The following TRAPPC8 variants were observed in gnomAD, a reference collection of about 807,000 sequenced individuals.
The protein encoded by TRAPPC8 is trafficking protein particle complex subunit 8.
A neutral mutation model predicts 174.3 loss-of-function variants in TRAPPC8; 54 were observed. The ratio of observed to expected loss-of-function variants is 0.31; its 90% confidence interval spans 0.25 to 0.39. The LOEUF (loss-of-function observed/expected upper bound fraction) is 0.39. Among genes scored for constraint, TRAPPC8 ranks in the 10% least tolerant of loss-of-function variants. TRAPPC8 has a pLI of 1.00. For missense variants in TRAPPC8, 1,531 were observed against 1,699.1 expected (o/e 0.90, Z 1.74); for synonymous variants, 630 against 579.9 (o/e 1.09, Z -1.24).
chr18:31,870,357 C>G lies in TRAPPC8; in HGVS notation c.2388+15G>C, dbSNP rs779886443. The stretch of plus-strand genomic sequence containing the variant: ...GTAGCTGAAACATAATTACAAATAC[C>G]TTTTAATAACTTACTAGTTGTTTAA... On this transcript the variant is annotated intron_variant, in intron 16 of 28. Coordinates refer to ENST00000283351, the MANE Select transcript of TRAPPC8 (RefSeq NM_014939.5). 1.3e-6 allele frequency: 2 copies of G among 1,596,268 alleles called. No homozygotes were observed. Among genetic ancestry groups the G allele is most frequent in the Non-Finnish European group, 1.7e-6 (2 of 1,171,608 alleles).
At position 31,908,436 on chromosome 18, in the gene TRAPPC8, A is replaced by C; in HGVS notation, c.1123-18T>G. On this transcript the variant is annotated intron_variant, in intron 7 of 28. Transcript: ENST00000283351. ...GATATTAGCTTTAAAAAAGAGATTA[A>C]ATATGTTGACAAACAAAGAATTTAG... is the stretch of plus-strand genomic sequence containing the variant. 3 of 1,463,072 alleles carry C rather than the reference A, an allele frequency of 2.1e-6. No homozygotes were observed. The highest frequency in any genetic ancestry group is 2.8e-6 in the Non-Finnish European group (3 of 1,081,902). 90.6% of individuals were successfully genotyped at this position (1,463,072 alleles called of 1,614,324 possible).
chr18:31,850,188 G>A (rs1423803082), intron 24 of TRAPPC8, among the ~76,000 whole-genome samples: 1 of 152,040 alleles, frequency 6.6e-6, no homozygotes, highest in Non-Finnish European at 1.5e-5. Flanking sequence ...CTGAGCTCAA[G>A]CATTTGCCTG....
chr18:31,839,534 T>C, intron 26 of TRAPPC8, 77 bp from the exon 27 acceptor site: 1 of 1,341,090 alleles, frequency 7.5e-7, no homozygotes, highest in Non-Finnish European at 9.9e-7. Flanking sequence ...AGTGTATATA[T>C]ACAAAAGTTA....
intron 2 of TRAPPC8, among the ~76,000 whole-genome samples, chr18:31,924,212 G>C (rs1448368653): frequency 6.6e-6 from 1 of 152,026 alleles, no homozygotes; most frequent in Non-Finnish European, 1.5e-5. Context: ...TTGAACTTGG[G>C]AGGCAGAGGT....
chr18:31,924,103 G>C (rs2037506416), intron 2 of TRAPPC8, among the ~76,000 whole-genome samples: 2 of 150,462 alleles, frequency 1.3e-5, no homozygotes, highest in Non-Finnish European at 1.5e-5. Context: ...GGCCAACGTG[G>C]TGAAACCTCA....
intron 10 of TRAPPC8, among the ~76,000 whole-genome samples, chr18:31,900,276 T>A (rs978960704): frequency 1.3e-5 from 2 of 151,962 alleles, no homozygotes; most frequent in African/African-American, 4.8e-5. Context: ...ACAGTAAAGG[T>A]TCCTCACACA....
chr18:31,859,309 T>C (rs1183921338), intron 19 of TRAPPC8, among the ~76,000 whole-genome samples: 7 of 152,012 alleles, frequency 4.6e-5, no homozygotes, highest in African/African-American at 1.7e-4. Context: ...AAAAATCAGA[T>C]GAAATTTGGG....
chr18:31,942,621 G>A lies in TRAPPC8; in HGVS notation c.144C>T (p.Arg48=), dbSNP rs201118671. 1.2e-4 allele frequency: 188 copies of A among 1,605,834 alleles called. No homozygotes were observed. Among genetic ancestry groups the A allele is most frequent in the Non-Finnish European group, 1.1e-4 (126 of 1,175,978 alleles). Residue 48 remains arginine, a synonymous_variant, in exon 1 of 29, where the codon CGC becomes CGT. Coordinates refer to ENST00000283351, the MANE Select transcript of TRAPPC8 (RefSeq NM_014939.5). ...GATACCACATACCCTCGGAAGTGAG[G>A]CGGGAGAAGGGCTTAAGCAGCTCCG... is the stretch of plus-strand genomic sequence containing the variant. The part of the protein sequence containing the change: ...SFAELLKPFS[R]LTSEVHMRDP...
At chr18:31,935,632 G>A (rs1431336277) in intron 1 of TRAPPC8, among the ~76,000 whole-genome samples, 3 of 149,696 alleles carry the variant, frequency 2.0e-5, no homozygotes, top group Non-Finnish European at 4.4e-5. Flanking sequence ...CACCCAGTGA[G>A]TGCCTCAAGC....
intron 20 of TRAPPC8, among the ~76,000 whole-genome samples, chr18:31,857,203 T>C (rs1280088601): frequency 6.6e-6 from 1 of 152,204 alleles, no homozygotes. Flanking sequence ...CCAGGCAGGT[T>C]GTCTTCATAC....
chr18:31,830,566 A>G lies in TRAPPC8; in HGVS notation c.*189T>C. ...AATTATTCTCAGGGTTTAAAGAAAT[A>G]CAGAAAAAGAATGTTAAGTATTCTC... On this transcript the variant is annotated 3_prime_UTR_variant, in exon 29 of 29. Transcript: ENST00000283351. 1 of 576,406 alleles carries G rather than the reference A, an allele frequency of 1.7e-6. No individual in the cohort carries two copies. The highest frequency in any genetic ancestry group is 3.1e-6 in the Non-Finnish European group (1 of 326,912). 35.7% of individuals were successfully genotyped at this position (576,406 alleles called of 1,614,324 possible).
intron 14 of TRAPPC8, 119 bp downstream of exon 14, chr18:31,873,311 C>A (rs1302924380): frequency 1.2e-6 from 1 of 832,734 alleles, no homozygotes; most frequent in Non-Finnish European, 1.8e-6. Flanking sequence ...GCCAATCGTA[C>A]CCGGCTGAGC....
At chr18:31,839,538 A>G (rs2032972992) in intron 26 of TRAPPC8, 81 bp from the exon 27 acceptor site, 1 of 1,321,618 alleles carries the variant, frequency 7.6e-7, no homozygotes, top group Non-Finnish European at 1.0e-6. Context: ...TATATATACA[A>G]AAGTTAAAAT....
At chr18:31,861,216 T>G (rs907483555) in intron 19 of TRAPPC8, among the ~76,000 whole-genome samples, 3 of 152,228 alleles carry the variant, frequency 2.0e-5, no homozygotes, top group Non-Finnish European at 4.4e-5. Context: ...TTTTTTGTTT[T>G]TCACTTTACA....
chr18:31,863,051 CAAAAA>C (rs35944569), intron 19 of TRAPPC8, among the ~76,000 whole-genome samples: 1 of 113,780 alleles, frequency 8.8e-6, no homozygotes, highest in Non-Finnish European at 1.8e-5. Flanking sequence ...GACTAGGTCT[CAAAAA>C]AAAAAAAAAA....
intron 2 of TRAPPC8, among the ~76,000 whole-genome samples, chr18:31,925,841 A>G (rs111855422): frequency 0.03 from 4,592 of 152,280 alleles, 250 homozygotes; most frequent in African/African-American, 0.1. Flanking sequence ...GAAATGATTT[A>G]TAACTAACAA....
intron 2 of TRAPPC8, among the ~76,000 whole-genome samples, chr18:31,920,479 T>C (rs1402296570): frequency 6.6e-6 from 1 of 152,160 alleles, no homozygotes; most frequent in African/African-American, 2.4e-5. Context: ...GTTCATGCAA[T>C]ACCAGCTGCT....
chr18:31,889,746 A>G (rs930170336), intron 12 of TRAPPC8, among the ~76,000 whole-genome samples: 4 of 152,334 alleles, frequency 2.6e-5, no homozygotes, highest in Non-Finnish European at 4.4e-5. Flanking sequence ...AAGCAAGTCC[A>G]CATATTTTCT....
intron 24 of TRAPPC8, among the ~76,000 whole-genome samples, chr18:31,850,078 G>A (rs1363153239): frequency 3.3e-5 from 5 of 151,802 alleles, no homozygotes; most frequent in South Asian, 2.1e-4. Context: ...TCAGCCTTCC[G>A]AGTAGCTAGG....
Sources: gnomAD v4.1 joint callset for allele counts (sites outside exome capture counted in the v4.1 genomes callset) on GRCh38, gnomAD v4.1.1 for gene constraint, MANE v1.5 for transcripts, NCBI Gene and HGNC (gene_info 2026-07-23, HGNC 2026-07-21) for gene names.